CRPPA: variants seen among roughly 807,000 people sequenced by gnomAD.
CRPPA encodes CDP-L-ribitol pyrophosphorylase A.
A neutral mutation model predicts 52.0 loss-of-function variants in CRPPA; 43 were observed. That is an observed-to-expected ratio of 0.83 (90% CI 0.65 to 1.07). CRPPA has a LOEUF of 1.07. CRPPA is among the 50% of genes least tolerant of loss of function. The pLI, the probability that CRPPA is intolerant of heterozygous loss-of-function variation, is 0.00. For synonymous variants in CRPPA, 250 were observed against 203.5 expected, an observed-to-expected ratio of 1.23 and a Z score of -1.94; for missense variants, 629 against 551.7, an observed-to-expected ratio of 1.14 and a Z score of -1.40.
At chr7:16,101,717 T>C (rs909187447) in intron 9 of CRPPA, among the ~76,000 whole-genome samples, 1 of 152,068 alleles carries the variant, frequency 6.6e-6, no homozygotes. Flanking sequence ...TCATTCACAA[T>C]TGCTTCAAAG....
intron 3 of CRPPA, among the ~76,000 whole-genome samples, chr7:16,315,022 C>T (rs1785115151): frequency 6.6e-6 from 1 of 152,042 alleles, no homozygotes; most frequent in African/African-American, 2.4e-5. Flanking sequence ...ATGTGTTTTA[C>T]AGTTGCCCAT....
intron 3 of CRPPA, among the ~76,000 whole-genome samples, chr7:16,357,411 C>T (rs185226472): frequency 1.1e-3 from 169 of 152,220 alleles, no homozygotes; most frequent in African/African-American, 3.9e-3. Flanking sequence ...ACTCCTGACC[C>T]TCAAGTGATC....
intron 9 of CRPPA, among the ~76,000 whole-genome samples, chr7:16,106,143 A>G (rs897489884): frequency 3.3e-5 from 5 of 152,114 alleles, no homozygotes; most frequent in Non-Finnish European, 7.4e-5. Flanking sequence ...AGCCCACCCA[A>G]TAACTTTCCC....
rs1253468131 is a variant in CRPPA, at chr7:16,258,396, A to T, written c.1113T>A (p.Val371=). Residue 371 remains valine, a synonymous_variant, in exon 8 of 10, where the codon GTT becomes GTA. Transcript: ENST00000407010. The stretch of plus-strand genomic sequence containing the variant: ...CTGCATTAATTTCACTTACTGAAAC[A>T]ACAACAACAGGATATAAAATGCAAA... The part of the protein sequence containing the change: ...SSLCILYPVV[V]VSVHFLDFKL... 1.3e-6 allele frequency: 2 copies of T among 1,589,934 alleles called. No homozygotes were observed. Among genetic ancestry groups the T allele is most frequent in the East Asian group, 4.5e-5 (2 of 44,430 alleles).
chr7:16,193,167 A>G (rs926460002), intron 9 of CRPPA, among the ~76,000 whole-genome samples: 2 of 152,184 alleles, frequency 1.3e-5, no homozygotes, highest in Admixed American at 1.3e-4. Context: ...ATCCATGAAC[A>G]TGATATACGT....
chr7:16,364,373 G>A lies in CRPPA; in HGVS notation c.684+11719C>T, dbSNP rs192338647. 2.4e-3 allele frequency among the ~76,000 whole-genome samples: 370 copies of A among 152,296 alleles called. 1 individual carries two copies. The highest frequency in any genetic ancestry group is 4.1e-3 in the Admixed American group (62 of 15,300). ...CATTCTAGCATCCAAACCCAAGGTT[G>A]CACTGTAAGTTGGTATGTGTATATT... On this transcript the variant is annotated intron_variant, in intron 3 of 9. Coordinates refer to ENST00000407010, the MANE Select transcript of CRPPA (RefSeq NM_001101426.4).
At chr7:16,309,670 C>A (rs1270353447) in intron 3 of CRPPA, among the ~76,000 whole-genome samples, 1 of 151,850 alleles carries the variant, frequency 6.6e-6, no homozygotes, top group African/African-American at 2.4e-5. Flanking sequence ...GCCACCATGC[C>A]CAGCTGAGAC....
At chr7:16,137,726 C>T (rs1782788771) in intron 9 of CRPPA, among the ~76,000 whole-genome samples, 1 of 151,878 alleles carries the variant, frequency 6.6e-6, no homozygotes, top group Non-Finnish European at 1.5e-5. Flanking sequence ...TTAGAATATC[C>T]AATATTTTGA....
intron 2 of CRPPA, among the ~76,000 whole-genome samples, chr7:16,399,030 C>T (rs1173086299): frequency 1.3e-5 from 2 of 152,196 alleles, no homozygotes; most frequent in African/African-American, 4.8e-5. Context: ...GTGACCAACA[C>T]GTTTAGGACA....
At chr7:16,313,118 A>G (rs1416082116) in intron 3 of CRPPA, among the ~76,000 whole-genome samples, 1 of 151,958 alleles carries the variant, frequency 6.6e-6, no homozygotes, top group African/African-American at 2.4e-5. Context: ...CTTTGCTTCT[A>G]TCTTCTGGAA....
At chr7:16,295,628 G>T (rs921613280) in intron 5 of CRPPA, among the ~76,000 whole-genome samples, 8 of 152,006 alleles carry the variant, frequency 5.3e-5, no homozygotes, top group Non-Finnish European at 1.2e-4. Flanking sequence ...ATTCCACTGG[G>T]GCTTTTCTTA....
At chr7:16,185,900 T>C (rs1441042153) in intron 9 of CRPPA, among the ~76,000 whole-genome samples, 1 of 152,180 alleles carries the variant, frequency 6.6e-6, no homozygotes, top group Non-Finnish European at 1.5e-5. Flanking sequence ...GAATTCCATT[T>C]CTTAGATTTC....
At chr7:16,169,727 C>T (rs1347609735) in intron 9 of CRPPA, among the ~76,000 whole-genome samples, 4 of 152,182 alleles carry the variant, frequency 2.6e-5, no homozygotes, top group Non-Finnish European at 4.4e-5. Context: ...TAGTGCCTCT[C>T]TCATCGACTA....
At position 16,330,498 on chromosome 7, in the gene CRPPA, A is replaced by G. The variant is rs376790579; in HGVS notation, c.685-21871T>C. Reference sequence around the variant, plus strand: ...ACAGGCAGATTCAGAGAATCACAACATAATGAAAGCAGAATCCACTGGAGG... The same window carrying G: ...ACAGGCAGATTCAGAGAATCACAACGTAATGAAAGCAGAATCCACTGGAGG... On this transcript the variant is annotated intron_variant, in intron 3 of 9. Coordinates refer to ENST00000407010, the MANE Select transcript of CRPPA (RefSeq NM_001101426.4). 9.8e-5 allele frequency among the ~76,000 whole-genome samples: 15 copies of G among 152,328 alleles called. 1 individual carries two copies. In the East Asian group the frequency reaches 2.9e-3, roughly 29 times the overall value.
intron 9 of CRPPA, among the ~76,000 whole-genome samples, chr7:16,171,826 C>T (rs2008133): frequency 0.32 from 48,694 of 151,854 alleles, 9,322 homozygotes; most frequent in South Asian, 0.54. Context: ...AAAATAAGTG[C>T]TTTCTCTCAG....
At chr7:16,338,003 A>G (rs754960314) in intron 3 of CRPPA, among the ~76,000 whole-genome samples, 11 of 152,190 alleles carry the variant, frequency 7.2e-5, no homozygotes, top group Admixed American at 2.0e-4. Flanking sequence ...TTACAAAGCT[A>G]GGATTACCCT....
intron 9 of CRPPA, among the ~76,000 whole-genome samples, chr7:16,160,382 A>C (rs931454399): frequency 1.3e-5 from 2 of 152,218 alleles, no homozygotes; most frequent in African/African-American, 2.4e-5. Flanking sequence ...AGTTTTCTGC[A>C]TATGGCTAGC....
chr7:16,315,725 G>A (rs186601648), intron 3 of CRPPA, among the ~76,000 whole-genome samples: 1 of 147,744 alleles, frequency 6.8e-6, no homozygotes, highest in Admixed American at 6.8e-5. Flanking sequence ...TCATAAGACT[G>A]TGGGGGCTCC....
intron 3 of CRPPA, among the ~76,000 whole-genome samples, chr7:16,343,108 T>G (rs746816519): frequency 6.6e-6 from 1 of 151,938 alleles, no homozygotes; most frequent in Non-Finnish European, 1.5e-5. Flanking sequence ...TAAGTTACAT[T>G]TTACGGGGAC....
Sources: allele counts gnomAD v4.1 joint callset (sites outside exome capture counted in the v4.1 genomes callset), GRCh38; gene constraint gnomAD v4.1.1; transcripts MANE v1.5; gene names NCBI Gene and HGNC (gene_info 2026-07-23, HGNC 2026-07-21).